MCUB: variants seen among roughly 807,000 people sequenced by gnomAD.
MCUB encodes the protein calcium uniporter regulatory subunit MCUb, mitochondrial.
MCUB carries 46 observed loss-of-function variants against 41.4 expected under a neutral mutation model. That is an observed-to-expected ratio of 1.11 (90% CI 0.88 to 1.42). The LOEUF (loss-of-function observed/expected upper bound fraction) is 1.42, where lower values mean the gene tolerates loss of function less well. Ranked by LOEUF, MCUB falls within the 40% of genes most tolerant of loss-of-function variation. The probability of loss-of-function intolerance (pLI) is 0.00; values close to 1 mark genes in which losing one functional copy is unlikely to be tolerated. For missense variants in MCUB, 403 were observed against 404.9 expected (o/e 1.00, Z 0.04); for synonymous variants, 148 against 148.2 (o/e 1.00, Z 0.01).
At chr4:109,596,676 A>G (rs931530820) in intron 1 of MCUB, among the ~76,000 whole-genome samples, 1 of 151,686 alleles carries the variant, frequency 6.6e-6, no homozygotes, top group African/African-American at 2.4e-5. Context: ...GTGCCTCACA[A>G]AGCCTTAGGA....
rs147550714 is a variant in MCUB at position 109,598,631 on chromosome 4, G to C, written c.99+38195G>C. On this transcript the variant is annotated intron_variant, in intron 1 of 7. Transcript: ENST00000394650. ...CGGTGGGGAGACGGGAGAGGGAGAG[G>C]GAGAGGGAGAGCTGGATTTCAAAGC... 1.1e-3 allele frequency among the ~76,000 whole-genome samples: 161 copies of C among 152,162 alleles called. 1 individual carries two copies. In the East Asian group the frequency reaches 0.026, roughly 25 times the overall value.
chr4:109,662,981 A>G (rs1729260135), intron 3 of MCUB, among the ~76,000 whole-genome samples: 1 of 152,218 alleles, frequency 6.6e-6, no homozygotes, highest in South Asian at 2.1e-4. Flanking sequence ...ATGAACAGCA[A>G]CCCAAACAGC....
At chr4:109,616,716 A>G (rs1425739614) in intron 1 of MCUB, among the ~76,000 whole-genome samples, 1 of 152,208 alleles carries the variant, frequency 6.6e-6, no homozygotes, top group Non-Finnish European at 1.5e-5. Flanking sequence ...ATATTTTGGT[A>G]TCTTACCTTC....
chr4:109,586,262 G>T (rs1347290172), intron 1 of MCUB, among the ~76,000 whole-genome samples: 2 of 152,134 alleles, frequency 1.3e-5, no homozygotes, highest in African/African-American at 4.8e-5. Context: ...AAGCTTGTGT[G>T]TGTGTCACAT....
intron 1 of MCUB, among the ~76,000 whole-genome samples, chr4:109,601,231 C>T (rs1184713725): frequency 3.3e-5 from 5 of 152,050 alleles, no homozygotes; most frequent in Non-Finnish European, 7.4e-5. Flanking sequence ...ATGGGGTATC[C>T]ATCCCCTCAA....
At chr4:109,635,703 C>T (rs1402423236) in intron 1 of MCUB, among the ~76,000 whole-genome samples, 1 of 151,924 alleles carries the variant, frequency 6.6e-6, no homozygotes, top group African/African-American at 2.4e-5. Flanking sequence ...TTCCTTCCTT[C>T]CTTCTCCCTT....
In MCUB at chr4:109,662,415, T is replaced by C. The variant is rs748168836; in HGVS notation, c.347-1875T>C. On this transcript the variant is annotated intron_variant, in intron 3 of 7. Coordinates refer to ENST00000394650, the MANE Select transcript of MCUB (RefSeq NM_017918.5). Reference sequence around the variant, plus strand: ...TGCCTGGTGGTGTGTACTCAATTAGTATTGAAGTGAATGAAATAAGAGAGG... The same window carrying C: ...TGCCTGGTGGTGTGTACTCAATTAGCATTGAAGTGAATGAAATAAGAGAGG... Among the ~76,000 whole-genome samples, 99 of 152,200 alleles carry C rather than the reference T, an allele frequency of 6.5e-4. 1 individual carries two copies. Among genetic ancestry groups the C allele is most frequent in the Non-Finnish European group, 2.6e-4 (18 of 68,040 alleles).
At chr4:109,643,416 C>A (rs1728765638) in intron 1 of MCUB, among the ~76,000 whole-genome samples, 1 of 151,822 alleles carries the variant, frequency 6.6e-6, no homozygotes, top group South Asian at 2.1e-4. Flanking sequence ...AACTCCTGAC[C>A]TCAAGTGATC....
chr4:109,674,254 C>G (rs1729524139), intron 4 of MCUB: 1 of 666,924 alleles, frequency 1.5e-6, no homozygotes, highest in Non-Finnish European at 2.7e-6. Context: ...TGAATACTGG[C>G]TTCCTTTCTT....
chr4:109,677,289 G>A (rs913715707), intron 4 of MCUB, among the ~76,000 whole-genome samples: 9 of 152,286 alleles, frequency 5.9e-5, no homozygotes, highest in African/African-American at 2.2e-4. Context: ...CTCCAGCTGT[G>A]AGTTTGATTT....
chr4:109,685,571 AAT>A (rs1325047396), intron 7 of MCUB, among the ~76,000 whole-genome samples: 1 of 152,220 alleles, frequency 6.6e-6, no homozygotes, highest in Non-Finnish European at 1.5e-5. Context: ...GATAGCTTTA[AAT>A]ATGTGTGTTA....
chr4:109,626,821 CAAAAAAAAAAA>C lies in MCUB; in HGVS notation c.100-32176_100-32166del, dbSNP rs58560479. On this transcript the variant is annotated intron_variant, in intron 1 of 7. Coordinates refer to ENST00000394650, the MANE Select transcript of MCUB (RefSeq NM_017918.5). ...GAGTGACAAGAGTGAGAGTCCGACT[CAAAAAAAAAAA>C]AAAAAAAAAAAAAGGAAGCCTGGAT... Among the ~76,000 whole-genome samples, 13 of 81,566 alleles carry C rather than the reference CAAAAAAAAAAA, an allele frequency of 1.6e-4. No individual in the cohort carries two copies. The East Asian group carries it at 4.3e-3, about 27-fold the overall frequency. 53.5% of individuals were successfully genotyped at this position (81,566 alleles called of 152,430 possible).
intron 1 of MCUB, among the ~76,000 whole-genome samples, chr4:109,565,626 G>A (rs1028120017): frequency 2.0e-5 from 3 of 152,162 alleles, no homozygotes; most frequent in African/African-American, 7.2e-5. Flanking sequence ...CTAGAATATG[G>A]CTGAGATAAT....
chr4:109,684,004 T>A (rs191982318), intron 5 of MCUB, among the ~76,000 whole-genome samples: 40 of 152,286 alleles, frequency 2.6e-4, no homozygotes, highest in African/African-American at 9.4e-4. Context: ...AAATTGTTTT[T>A]CCATATGTCT....
At position 109,597,919 on chromosome 4, in the gene MCUB, G is replaced by T. The variant is rs868540370; in HGVS notation, c.99+37483G>T. Among the ~76,000 whole-genome samples, 484 of 151,168 alleles carry T rather than the reference G, an allele frequency of 3.2e-3. 2 individuals are homozygous for T. Among genetic ancestry groups the T allele is most frequent in the Middle Eastern group, 6.8e-3 (2 of 292 alleles). Reference sequence around the variant, plus strand: ...AGACGCTCCTCACCTCCCAGACGGGGTCGCGGCCGGGCAGAGGCGCTCCTC... The same window carrying T: ...AGACGCTCCTCACCTCCCAGACGGGTTCGCGGCCGGGCAGAGGCGCTCCTC... On this transcript the variant is annotated intron_variant, in intron 1 of 7. Coordinates refer to ENST00000394650, the MANE Select transcript of MCUB (RefSeq NM_017918.5).
chr4:109,621,875 AC>A (rs1728257434), intron 1 of MCUB, among the ~76,000 whole-genome samples: 1 of 151,884 alleles, frequency 6.6e-6, no homozygotes, highest in African/African-American at 2.4e-5. Flanking sequence ...GGATTTTAGG[AC>A]TTTTTTTTAT....
At chr4:109,683,808 A>G (rs1200955202) in intron 5 of MCUB, among the ~76,000 whole-genome samples, 1 of 152,228 alleles carries the variant, frequency 6.6e-6, no homozygotes, top group Non-Finnish European at 1.5e-5. Flanking sequence ...ATGAATTCCT[A>G]GAAGTAGAAT....
rs148996377 is a variant in MCUB at position 109,591,048 on chromosome 4, C to T, written c.99+30612C>T. 9.5e-3 allele frequency among the ~76,000 whole-genome samples: 1,441 copies of T among 152,238 alleles called. 11 individuals carry two copies. The highest frequency in any genetic ancestry group is 0.014 in the Non-Finnish European group (980 of 68,026). ...AATCTCCTCTCAATACATTGAAACT[C>T]GTTGGAAATTCTTTCAGTTTTATCT... On this transcript the variant is annotated intron_variant, in intron 1 of 7. Coordinates refer to ENST00000394650, the MANE Select transcript of MCUB (RefSeq NM_017918.5).
At chr4:109,627,512 G>C (rs757716379) in intron 1 of MCUB, among the ~76,000 whole-genome samples, 1 of 152,150 alleles carries the variant, frequency 6.6e-6, no homozygotes, top group Non-Finnish European at 1.5e-5. Context: ...TCTTGTAGTT[G>C]TTTATACAGT....
Sources: allele counts gnomAD v4.1 joint callset (sites outside exome capture counted in the v4.1 genomes callset), GRCh38; gene constraint gnomAD v4.1.1; transcripts MANE v1.5; gene names NCBI Gene and HGNC (gene_info 2026-07-23, HGNC 2026-07-21).